Variants in RASA4 observed in about 807,000 individuals in gnomAD.
The protein encoded by RASA4 is ras GTPase-activating protein 4.
A neutral mutation model predicts 24.0 loss-of-function variants in RASA4; 5 were observed. That is an observed-to-expected ratio of 0.21 (90% CI 0.11 to 0.44). The LOEUF is 0.44. RASA4 is among the 20% of genes least tolerant of loss of function. The pLI, the probability that RASA4 is intolerant of heterozygous loss-of-function variation, is 0.99. For synonymous variants in RASA4, 9 were observed against 132.7 expected (o/e 0.07, Z 6.41); for missense variants, 38 against 293.0 (o/e 0.13, Z 6.35).
At position 102,580,936 on chromosome 7, in the gene RASA4, C is replaced by G. The variant is rs548785172; in HGVS notation, c.*1835G>C. 1 of 112,766 alleles carries G rather than the reference C, an allele frequency of 8.9e-6. No homozygotes were observed. The highest frequency in any genetic ancestry group is 3.1e-4 in the East Asian group (1 of 3,266). 7.0% of individuals were successfully genotyped at this position (112,766 alleles called of 1,614,324 possible). The stretch of plus-strand genomic sequence containing the variant: ...CCTATTTGAGCTCTGAGGTAGATGT[C>G]TAAGTTCAAAGCCCACTCCTCCTTT... On this transcript the variant is annotated 3_prime_UTR_variant, in exon 21 of 21. Transcript: ENST00000262940.
intron 8 of RASA4, among the ~76,000 whole-genome samples, chr7:102,597,737 G>A (rs1473258093): frequency 2.2e-5 from 3 of 137,000 alleles, no homozygotes; most frequent in South Asian, 2.8e-4. Context: ...TTCTTGAGAC[G>A]GAGTTTCGCT....
chr7:102,591,949 T>C (rs1343808365), intron 16 of RASA4, among the ~76,000 whole-genome samples: 1 of 152,254 alleles, frequency 6.6e-6, no homozygotes, highest in African/African-American at 2.4e-5. Flanking sequence ...TTCCCGTGCC[T>C]CAGCCTCCCG....
intron 11 of RASA4, among the ~76,000 whole-genome samples, chr7:102,594,912 G>C (rs1201049112): frequency 2.1e-3 from 110 of 53,166 alleles, no homozygotes; most frequent in South Asian, 0.012. Flanking sequence ...ACGGAGTCTA[G>C]CACGGGGCCC....
At chr7:102,590,881 G>C (rs201260297) in intron 16 of RASA4, among the ~76,000 whole-genome samples, 12,120 of 120,236 alleles carry the variant, frequency 0.1, 35 homozygotes, top group African/African-American at 0.14. Flanking sequence ...CGGAGGTTGC[G>C]GTGAGCCAAG....
chr7:102,605,663 G>T (rs199959861), intron 5 of RASA4, among the ~76,000 whole-genome samples, 195 bp downstream of exon 5: 1 of 145,404 alleles, frequency 6.9e-6, no homozygotes, highest in African/African-American at 2.5e-5. Flanking sequence ...ACCTGCCTCG[G>T]CCTCCCAAAG....
chr7:102,609,849 TAG>T (rs879403367), intron 2 of RASA4, among the ~76,000 whole-genome samples: 2,108 of 98,120 alleles, frequency 0.021, 30 homozygotes, highest in Non-Finnish European at 0.028. Context: ...GTCATTTTCG[TAG>T]AGACAGGGTT....
chr7:102,590,750 G>A (rs1184238040), intron 16 of RASA4, among the ~76,000 whole-genome samples: 1 of 145,766 alleles, frequency 6.9e-6, no homozygotes, highest in African/African-American at 2.7e-5. Context: ...AGACCAGCCT[G>A]ACAAACATGG....
At chr7:102,602,942 A>C (rs1378130894) in intron 5 of RASA4, among the ~76,000 whole-genome samples, 5 of 149,026 alleles carry the variant, frequency 3.4e-5, no homozygotes, top group African/African-American at 5.0e-5. Flanking sequence ...ACACAGCCCT[A>C]GTCTAGTCAC....
intron 16 of RASA4, among the ~76,000 whole-genome samples, chr7:102,590,967 A>G (rs1443933229): frequency 6.8e-6 from 1 of 147,844 alleles, no homozygotes; most frequent in Admixed American, 6.7e-5. Context: ...ATGGGACCAG[A>G]ATTAAATAAT....
At chr7:102,604,638 A>G (rs1790541896) in intron 5 of RASA4, among the ~76,000 whole-genome samples, 1 of 145,766 alleles carries the variant, frequency 6.9e-6, no homozygotes, top group Non-Finnish European at 1.5e-5. Context: ...GGGGGAATGA[A>G]TGGCAGAGGC....
intron 5 of RASA4, among the ~76,000 whole-genome samples, chr7:102,602,961 C>G (rs1419859136): frequency 1.3e-5 from 2 of 151,238 alleles, no homozygotes; most frequent in African/African-American, 4.9e-5. Flanking sequence ...ACGGTACCTC[C>G]AGCTTTTTTT....
intron 4 of RASA4, among the ~76,000 whole-genome samples, chr7:102,606,598 T>C (rs1586855229): frequency 1.7e-5 from 1 of 59,578 alleles, no homozygotes; most frequent in Middle Eastern, 7.9e-3. Context: ...GGGAGGAGGG[T>C]CTGAGGCCCA....
intron 2 of RASA4, among the ~76,000 whole-genome samples, chr7:102,610,602 G>A (rs1161823608): frequency 6.6e-6 from 1 of 151,910 alleles, no homozygotes; most frequent in Non-Finnish European, 1.5e-5. Flanking sequence ...GGAGGGGAAG[G>A]GAGCTCAGGC....
At chr7:102,604,087 C>A (rs1790502064) in intron 5 of RASA4, among the ~76,000 whole-genome samples, 1 of 144,516 alleles carries the variant, frequency 6.9e-6, no homozygotes, top group Non-Finnish European at 1.5e-5. Flanking sequence ...TTGCTTGAAC[C>A]CAGAAGGTGG....
intron 16 of RASA4, among the ~76,000 whole-genome samples, chr7:102,591,660 C>T (rs1789999464): frequency 6.9e-6 from 1 of 145,042 alleles, no homozygotes; most frequent in Admixed American, 7.0e-5. Flanking sequence ...TTCCAGGAAG[C>T]CTCCCCTGTT....
chr7:102,580,896 T>C lies in RASA4; in HGVS notation c.*1875A>G, dbSNP rs1310653118. 3 of 128,670 alleles carry C rather than the reference T, an allele frequency of 2.3e-5. No homozygotes were observed. The highest frequency in any genetic ancestry group is 7.9e-5 in the African/African-American group (3 of 38,004). The allele number at this position is 128,670 out of a possible 1,614,324, so 8.0% of individuals were successfully genotyped here. ...AGTTCCCCTTCATCTGAAAATTGAA[T>C]GTGATTTTAAACAACCTATTTGAGC... On this transcript the variant is annotated 3_prime_UTR_variant, in exon 21 of 21. Coordinates refer to ENST00000262940, the MANE Select transcript of RASA4 (RefSeq NM_006989.6).
intron 8 of RASA4, 116 bp downstream of exon 8, chr7:102,599,744 T>C (rs1790367077): frequency 5.0e-6 from 1 of 200,594 alleles, no homozygotes. Flanking sequence ...CCTGGAGCTG[T>C]GTCTCCTGAC....
chr7:102,601,817 T>A (rs1199111242), intron 6 of RASA4, among the ~76,000 whole-genome samples: 1 of 19,882 alleles, frequency 5.0e-5, no homozygotes, highest in African/African-American at 8.4e-5. Context: ...GCTACTCGTG[T>A]GGCTGAGGCA....
rs11547191 is a variant in RASA4 at position 102,605,947 on chromosome 7, A to T, written c.339T>A (p.Asp113Glu). 2.4e-3 allele frequency: 3,702 copies of T among 1,556,620 alleles called. 2 individuals are homozygous for T. The African/African-American group carries it at 0.047, about 20-fold the overall frequency. The change falls in exon 5 of 21, where the codon GAT becomes GAA. Residue 113 changes from aspartate to glutamate, a missense_variant. Transcript: ENST00000262940. ...GGTGGATCTCGCCCTGCACCTCCTC[A>T]TCGGGGTCGACCTCCGTCAGGTGGG... is the stretch of plus-strand genomic sequence containing the variant. ...GWAHLTEVDP[D>E]EEVQGEIHLR...
Sources: gnomAD v4.1 joint callset for allele counts (sites outside exome capture counted in the v4.1 genomes callset) on GRCh38, gnomAD v4.1.1 for gene constraint, MANE v1.5 for transcripts, NCBI Gene and HGNC (gene_info 2026-07-23, HGNC 2026-07-21) for gene names.